The following NEGR1 variants were observed in gnomAD, a reference collection of about 807,000 sequenced individuals.
The protein encoded by NEGR1 is IgLON family member 4.
Under a neutral mutation model 40.9 loss-of-function variants are expected in NEGR1, and 10 were observed. That is an observed-to-expected ratio of 0.24 (90% CI 0.15 to 0.42). The LOEUF (loss-of-function observed/expected upper bound fraction) is 0.42. NEGR1 is among the 10% of genes least tolerant of loss of function. The pLI is 1.00. For missense variants in NEGR1, 352 were observed against 438.9 expected, an observed-to-expected ratio of 0.80 and a Z score of 1.77; for synonymous variants, 185 against 166.8, an observed-to-expected ratio of 1.11 and a Z score of -0.84.
intron 2 of NEGR1, among the ~76,000 whole-genome samples, chr1:71,873,864 C>T (rs1660350269): frequency 6.6e-6 from 1 of 152,106 alleles, no homozygotes; most frequent in African/African-American, 2.4e-5. Context: ...ATGACAGAAA[C>T]TCTGTTGTGT....
intron 1 of NEGR1, among the ~76,000 whole-genome samples, chr1:72,244,447 A>T (rs1654841139): frequency 6.6e-6 from 1 of 151,952 alleles, no homozygotes; most frequent in African/African-American, 2.4e-5. Flanking sequence ...ACATATACAC[A>T]TATATGTAAG....
At chr1:71,653,713 C>T (rs1186378303) in intron 4 of NEGR1, among the ~76,000 whole-genome samples, 3 of 152,132 alleles carry the variant, frequency 2.0e-5, no homozygotes, top group African/African-American at 7.2e-5. Flanking sequence ...ACAGCTACTG[C>T]TTCTGTTGAT....
chr1:72,246,690 T>C (rs1427517100), intron 1 of NEGR1, among the ~76,000 whole-genome samples: 1 of 152,210 alleles, frequency 6.6e-6, no homozygotes, highest in African/African-American at 2.4e-5. Flanking sequence ...AATTCTGCAA[T>C]TGGGAGGGCA....
At chr1:72,235,262 T>G (rs1048610219) in intron 1 of NEGR1, among the ~76,000 whole-genome samples, 4 of 152,062 alleles carry the variant, frequency 2.6e-5, no homozygotes, top group Non-Finnish European at 5.9e-5. Context: ...GAATAACATA[T>G]AATGTGGTTA....
At chr1:71,661,012 C>G (rs536916259) in intron 4 of NEGR1, among the ~76,000 whole-genome samples, 4 of 152,228 alleles carry the variant, frequency 2.6e-5, no homozygotes, top group Admixed American at 2.6e-4. Flanking sequence ...CATCCATGTC[C>G]CTGCAAAGGA....
At chr1:71,753,004 A>C (rs1440419766) in intron 3 of NEGR1, among the ~76,000 whole-genome samples, 1 of 152,156 alleles carries the variant, frequency 6.6e-6, no homozygotes, top group Non-Finnish European at 1.5e-5. Flanking sequence ...TCCTTTAGTA[A>C]TGGTTAATAG....
At chr1:71,617,454 T>C (rs1302241565) in intron 4 of NEGR1, among the ~76,000 whole-genome samples, 3 of 152,218 alleles carry the variant, frequency 2.0e-5, no homozygotes, top group Non-Finnish European at 4.4e-5. Flanking sequence ...CGTGAGGATA[T>C]GTTATGTGCA....
intron 2 of NEGR1, among the ~76,000 whole-genome samples, chr1:71,913,855 G>GAA (rs10642966): frequency 0.23 from 29,530 of 128,346 alleles, 3,693 homozygotes; most frequent in East Asian, 0.45. Flanking sequence ...TGAAGGAAAG[G>GAA]AAAAAAAAAA....
intron 3 of NEGR1, among the ~76,000 whole-genome samples, chr1:71,732,865 T>A (rs970586783): frequency 6.6e-6 from 1 of 152,174 alleles, no homozygotes; most frequent in Non-Finnish European, 1.5e-5. Context: ...AAATTCCATT[T>A]TATAGAAAGT....
At chr1:71,569,002 C>CGGAG (rs1430045680) in intron 6 of NEGR1, among the ~76,000 whole-genome samples, 1 of 151,750 alleles carries the variant, frequency 6.6e-6, no homozygotes, top group Non-Finnish European at 1.5e-5. Context: ...CTGCAACCTC[C>CGGAG]ACCTTCCAGG....
intron 2 of NEGR1, among the ~76,000 whole-genome samples, chr1:71,862,672 G>T (rs1308163748): frequency 6.6e-6 from 1 of 151,962 alleles, no homozygotes; most frequent in Non-Finnish European, 1.5e-5. Context: ...CTAGTGCAAT[G>T]CTGGGTACAT....
At chr1:71,884,171 G>A (rs1660660749) in intron 2 of NEGR1, among the ~76,000 whole-genome samples, 1 of 152,046 alleles carries the variant, frequency 6.6e-6, no homozygotes. Flanking sequence ...TCCTAACACT[G>A]TGTTTAATTG....
chr1:71,808,734 C>T (rs896695710), intron 2 of NEGR1, among the ~76,000 whole-genome samples: 1 of 151,136 alleles, frequency 6.6e-6, no homozygotes, highest in African/African-American at 2.4e-5. Context: ...ATTCTTATTT[C>T]AGAAAAAAAA....
chr1:72,035,686 C>T (rs1280603499), intron 1 of NEGR1, among the ~76,000 whole-genome samples: 1 of 152,078 alleles, frequency 6.6e-6, no homozygotes, highest in Non-Finnish European at 1.5e-5. Flanking sequence ...GGCATAAAGC[C>T]TTCCATAAAA....
At chr1:71,478,246 T>C (rs1423432577) in intron 6 of NEGR1, among the ~76,000 whole-genome samples, 16 of 152,002 alleles carry the variant, frequency 1.1e-4, no homozygotes, top group Admixed American at 2.6e-4. Flanking sequence ...ATGCTAAACA[T>C]AGTATTCTCT....
At chr1:72,251,935 G>C (rs753287483) in intron 1 of NEGR1, among the ~76,000 whole-genome samples, 4 of 152,038 alleles carry the variant, frequency 2.6e-5, no homozygotes, top group Non-Finnish European at 5.9e-5. Context: ...GTTTTCTTTA[G>C]AAAACTTTCA....
At chr1:71,866,933 CT>C (rs1660130661) in intron 2 of NEGR1, among the ~76,000 whole-genome samples, 1 of 152,166 alleles carries the variant, frequency 6.6e-6, no homozygotes, top group African/African-American at 2.4e-5. Context: ...GGGAATGTCC[CT>C]ACTTCCTTTT....
At chr1:72,151,525 T>C (rs1438839151) in intron 1 of NEGR1, among the ~76,000 whole-genome samples, 2 of 151,536 alleles carry the variant, frequency 1.3e-5, no homozygotes, top group Non-Finnish European at 3.0e-5. Flanking sequence ...TGATAATCAA[T>C]AATAAAATAT....
At chr1:71,473,534 T>C (rs998954204) in intron 6 of NEGR1, among the ~76,000 whole-genome samples, 2 of 152,134 alleles carry the variant, frequency 1.3e-5, no homozygotes, top group African/African-American at 4.8e-5. Flanking sequence ...GGAAAATGAA[T>C]GACCCTCGGT....
Sources: gnomAD v4.1 joint callset for allele counts (sites outside exome capture counted in the v4.1 genomes callset) on GRCh38, gnomAD v4.1.1 for gene constraint, MANE v1.5 for transcripts, NCBI Gene and HGNC (gene_info 2026-07-23, HGNC 2026-07-21) for gene names.